Variants in OGDH observed in about 807,000 individuals in gnomAD.
OGDH encodes 2-oxoglutarate dehydrogenase complex component E1.
Under a neutral mutation model 116.6 loss-of-function variants are expected in OGDH, and 38 were observed. The ratio of observed to expected loss-of-function variants is 0.33; its 90% CI spans 0.25 to 0.43. The LOEUF (loss-of-function observed/expected upper bound fraction) is 0.43. Among genes scored for constraint, OGDH ranks in the 20% least tolerant of loss-of-function variants. OGDH has a pLI of 1.00. For missense variants in OGDH, 825 were observed against 1,357.2 expected (o/e 0.61, Z 6.16); for synonymous variants, 488 against 533.3 (o/e 0.92, Z 1.17).
At chr7:44,654,973 T>C (rs1341426963) in intron 4 of OGDH, among the ~76,000 whole-genome samples, 1 of 152,230 alleles carries the variant, frequency 6.6e-6, no homozygotes, top group African/African-American at 2.4e-5. Flanking sequence ...CAGAATATCT[T>C]CTATTGTTCT....
At chr7:44,629,574 T>TC (rs1785342578) in intron 2 of OGDH, among the ~76,000 whole-genome samples, 1 of 117,980 alleles carries the variant, frequency 8.5e-6, no homozygotes, top group African/African-American at 2.7e-5. Context: ...TTTTTCTTTT[T>TC]CTTTTCTTTT....
intron 4 of OGDH, among the ~76,000 whole-genome samples, chr7:44,649,219 G>C (rs1265907422): frequency 6.6e-6 from 1 of 151,198 alleles, no homozygotes; most frequent in Non-Finnish European, 1.5e-5. Flanking sequence ...CAGGGTAGGA[G>C]AGCTGCGGAA....
At chr7:44,613,437 C>CGTG (rs1189446806) in intron 1 of OGDH, among the ~76,000 whole-genome samples, 3 of 152,090 alleles carry the variant, frequency 2.0e-5, no homozygotes, top group Non-Finnish European at 4.4e-5. Context: ...CTTGGCTCAC[C>CGTG]GCAAGCTCTG....
At chr7:44,663,206 G>A (rs1787025239) in intron 4 of OGDH, among the ~76,000 whole-genome samples, 1 of 152,130 alleles carries the variant, frequency 6.6e-6, no homozygotes, top group African/African-American at 2.4e-5. Flanking sequence ...CTGCCATTGA[G>A]CCTATCCATT....
At chr7:44,676,289 C>T in intron 9 of OGDH, 140 bp downstream of exon 9, 2 of 1,528,544 alleles carry the variant, frequency 1.3e-6, no homozygotes, top group Non-Finnish European at 8.8e-7. Context: ...GGCGCAGTGT[C>T]TCACGCCTGT....
At chr7:44,680,259 C>A (rs1787871586) in intron 9 of OGDH, among the ~76,000 whole-genome samples, 1 of 152,080 alleles carries the variant, frequency 6.6e-6, no homozygotes, top group Non-Finnish European at 1.5e-5. Flanking sequence ...CATTCTCTCT[C>A]TCCCTCTTCC....
rs777624714 is a variant in OGDH, at chr7:44,705,051, C to CTTTTTTTTTT, written c.2633-2164_2633-2155dup. Among the ~76,000 whole-genome samples, 417 of 93,904 alleles carry CTTTTTTTTTT rather than the reference C, an allele frequency of 4.4e-3. 14 individuals are homozygous for CTTTTTTTTTT. Among genetic ancestry groups the CTTTTTTTTTT allele is most frequent in the Non-Finnish European group, 5.4e-3 (281 of 51,800 alleles). 61.6% of individuals were successfully genotyped at this position (93,904 alleles called of 152,430 possible). A position where few individuals can be genotyped will look rare whatever the true frequency, so the allele number is the denominator to read the frequency against. On this transcript the variant is annotated intron_variant, in intron 20 of 22. Transcript: ENST00000222673. ...TTGATGTACAAAAGTTTTTAATTTTCTTTTTTTTTTTTTTTTTTTGAGACG... is the reference window on the plus strand; with the variant it reads ...TTGATGTACAAAAGTTTTTAATTTTCTTTTTTTTTTTTTTTTTTTTTTTTTTTTTGAGACG...
intron 1 of OGDH, among the ~76,000 whole-genome samples, chr7:44,621,347 T>TATAG (rs1785001433): frequency 1.3e-5 from 2 of 152,218 alleles, no homozygotes; most frequent in Non-Finnish European, 2.9e-5. Context: ...GTGCTAGGAT[T>TATAG]ATAGGCATGA....
At chr7:44,608,397 G>A (rs1002333341) in intron 1 of OGDH, among the ~76,000 whole-genome samples, 2 of 131,876 alleles carry the variant, frequency 1.5e-5, no homozygotes, top group African/African-American at 5.0e-5. Flanking sequence ...GACACAGTGA[G>A]ATCCTGTCTC....
At position 44,693,920 on chromosome 7, in the gene OGDH, A is replaced by G. The variant is rs748002766; in HGVS notation, c.1431A>G (p.Ser477=). The change falls in exon 11 of 23, where the codon TCA becomes TCG. Residue 477 remains serine (S), a synonymous_variant. Transcript: ENST00000222673. ...VVNAPIFHVN[S]DDPEAVMYVC... is the part of the protein sequence containing the mutation. Reference sequence around the variant, plus strand: ...ATGCCCCCATTTTCCACGTGAACTCAGATGACCCCGAGGCTGTCATGTACG... The same window carrying G: ...ATGCCCCCATTTTCCACGTGAACTCGGATGACCCCGAGGCTGTCATGTACG... 7.4e-6 allele frequency: 12 copies of G among 1,613,982 alleles called. No homozygotes were observed. The highest frequency in any genetic ancestry group is 8.5e-6 in the Non-Finnish European group (10 of 1,179,990).
In OGDH at chr7:44,707,235, C is replaced by T; in HGVS notation, c.2643C>T (p.Phe881=). 1.2e-6 allele frequency: 2 copies of T among 1,614,162 alleles called. No homozygotes were observed. The part of the protein sequence containing the change: ...SFDEMLPGTH[F]QRVIPEDGPA... ...GGAACTCTCTTGTAGGAACCCACTT[C>T]CAGCGGGTGATCCCAGAAGATGGCC... is the stretch of plus-strand genomic sequence containing the variant. The change falls in exon 21 of 23, where the codon TTC becomes TTT. Residue 881 remains phenylalanine, a synonymous_variant. Transcript: ENST00000222673. The surrounding 1 kb of genome is among the most constrained non-coding windows in gnomAD (Gnocchi z 5.2).
At chr7:44,682,267 C>T (rs1787958358) in intron 10 of OGDH, among the ~76,000 whole-genome samples, 3 of 151,944 alleles carry the variant, frequency 2.0e-5, no homozygotes, top group Admixed American at 1.3e-4. Flanking sequence ...TGCCTGTGAT[C>T]CCAGCTGCTT....
chr7:44,708,012 G>T lies in OGDH; in HGVS notation c.*13G>T. 6.2e-7 allele frequency: 1 copy of T among 1,610,160 alleles called. No homozygotes were observed. Among genetic ancestry groups the T allele is most frequent in the Non-Finnish European group, 8.5e-7 (1 of 1,179,094 alleles). ...GAACTTCTCGTAGATGCTGCCTAGG[G>T]TTGCTTGGGCCACTGCCCTCTCCAC... On this transcript the variant is annotated 3_prime_UTR_variant, in exon 23 of 23. Coordinates refer to ENST00000222673, the MANE Select transcript of OGDH (RefSeq NM_002541.4).
intron 10 of OGDH, among the ~76,000 whole-genome samples, chr7:44,686,399 G>A (rs966527893): frequency 1.4e-4 from 22 of 152,244 alleles, no homozygotes; most frequent in African/African-American, 5.1e-4. Context: ...TGCATCCATT[G>A]AGATGACCAT....
Position 44,671,568 on chromosome 7 carries a change from C to A in OGDH, c.634-2219C>A, listed in dbSNP as rs922256804. The stretch of plus-strand genomic sequence containing the variant: ...CACGAGGTCAGGAGATCGAGACCAT[C>A]CTGGCTAACACGGTGAAACCCCGTC... On this transcript the variant is annotated intron_variant, in intron 5 of 22. Coordinates refer to ENST00000222673, the MANE Select transcript of OGDH (RefSeq NM_002541.4). 2.7e-5 allele frequency among the ~76,000 whole-genome samples: 4 copies of A among 150,160 alleles called. No individual in the cohort carries two copies. In the Admixed American group the frequency reaches 2.7e-4, roughly 10 times the overall value.
intron 10 of OGDH, among the ~76,000 whole-genome samples, chr7:44,692,950 G>T (rs367801500): frequency 2.3e-4 from 35 of 150,944 alleles, no homozygotes; most frequent in African/African-American, 8.5e-4. Context: ...CATGAGAGGT[G>T]AGCTACGATT....
chr7:44,664,909 T>C (rs1787114171), intron 4 of OGDH, among the ~76,000 whole-genome samples: 1 of 152,276 alleles, frequency 6.6e-6, no homozygotes, highest in South Asian at 2.1e-4. Context: ...TCAAGGGATA[T>C]CTGTAGGCAC....
chr7:44,681,923 C>T (rs571397427), intron 10 of OGDH, 75 bp downstream of exon 10: 13 of 1,546,958 alleles, frequency 8.4e-6, no homozygotes, highest in African/African-American at 6.8e-5. Flanking sequence ...TCATTTAGGA[C>T]GTTCACTGTT....
chr7:44,634,274 C>T (rs1039757195), intron 2 of OGDH, among the ~76,000 whole-genome samples: 1 of 152,186 alleles, frequency 6.6e-6, no homozygotes, highest in East Asian at 1.9e-4. Flanking sequence ...AGGTCCAGAC[C>T]GTACACTGCT....
Sources: allele counts gnomAD v4.1 joint callset (sites outside exome capture counted in the v4.1 genomes callset), GRCh38; gene constraint gnomAD v4.1.1; non-coding constraint Gnocchi (gnomAD v3.1); transcripts MANE v1.5; gene names NCBI Gene and HGNC (gene_info 2026-07-23, HGNC 2026-07-21).